The following NSMCE1 variants were observed in gnomAD, a reference collection of about 807,000 sequenced individuals.
The protein encoded by NSMCE1 is NSE1 component of SMC5/6 complex.
In NSMCE1, 18 loss-of-function variants were observed where a neutral mutation model predicts 29.6. The ratio of observed to expected loss-of-function variants is 0.61; its 90% CI spans 0.42 to 0.90. The LOEUF is 0.90. Among genes scored for constraint, NSMCE1 ranks in the 40% least tolerant of loss-of-function variants. NSMCE1 has a pLI of 0.00. For synonymous variants in NSMCE1, 124 were observed against 133.4 expected, an observed-to-expected ratio of 0.93 and a Z score of 0.49; for missense variants, 314 against 343.6, an observed-to-expected ratio of 0.91 and a Z score of 0.68.
intron 5 of NSMCE1, among the ~76,000 whole-genome samples, chr16:27,227,116 G>A (rs992120268): frequency 1.3e-5 from 2 of 152,212 alleles, no homozygotes; most frequent in African/African-American, 4.8e-5. Context: ...CTGTCTGCAC[G>A]GCAGCCTCGA....
At chr16:27,227,114 A>G (rs2083706866) in intron 5 of NSMCE1, among the ~76,000 whole-genome samples, 1 of 152,204 alleles carries the variant, frequency 6.6e-6, no homozygotes, top group Non-Finnish European at 1.5e-5. Flanking sequence ...CTCTGTCTGC[A>G]CGGCAGCCTC....
chr16:27,238,305 C>G (rs970459556), intron 2 of NSMCE1, among the ~76,000 whole-genome samples: 1 of 152,214 alleles, frequency 6.6e-6, no homozygotes, highest in Non-Finnish European at 1.5e-5. Flanking sequence ...TCCCGCTTCT[C>G]TACCACCACC....
At chr16:27,258,790 G>A (rs1262042084) in intron 1 of NSMCE1, among the ~76,000 whole-genome samples, 1 of 150,080 alleles carries the variant, frequency 6.7e-6, no homozygotes, top group African/African-American at 2.5e-5. Context: ...TCACTCTGTT[G>A]CCCAGGCTGG....
intron 2 of NSMCE1, among the ~76,000 whole-genome samples, chr16:27,241,107 A>G (rs544710235): frequency 6.6e-6 from 1 of 152,262 alleles, no homozygotes; most frequent in East Asian, 1.9e-4. Flanking sequence ...TTACATTGGA[A>G]TGTAATGTTA....
chr16:27,226,251 G>C (rs540593753), intron 6 of NSMCE1: 3 of 218,214 alleles, frequency 1.4e-5, no homozygotes, highest in Non-Finnish European at 2.8e-5. Context: ...AAGGATACAG[G>C]TGTACGAGGC....
At chr16:27,262,857 A>G (rs1051178790) in intron 1 of NSMCE1, among the ~76,000 whole-genome samples, 12 of 152,182 alleles carry the variant, frequency 7.9e-5, no homozygotes, top group African/African-American at 2.9e-4. Flanking sequence ...GAGAAAATCA[A>G]ACAACCCCAT....
In NSMCE1 at chr16:27,257,457, C is replaced by T. The variant is rs768323333; in HGVS notation, c.114G>A (p.Thr38=). 16 of 1,612,802 alleles carry T rather than the reference C, an allele frequency of 9.9e-6. No homozygotes were observed. The highest frequency in any genetic ancestry group is 5.3e-5 in the African/African-American group (4 of 74,816). ...LEEWDVKRLQ[T]HCYKVHDRNA... ...CACGGTCATGGACCTTGTAGCAGTG[C>T]GTCTGCAAGCGCTTCACGTCCCATT... Residue 38 remains threonine, a synonymous_variant, in exon 2 of 8, where the codon ACG becomes ACA. Transcript: ENST00000361439.
intron 5 of NSMCE1, among the ~76,000 whole-genome samples, chr16:27,231,838 G>A (rs1218647521): frequency 6.6e-6 from 1 of 152,088 alleles, no homozygotes; most frequent in Non-Finnish European, 1.5e-5. Context: ...GGTGTCCGAC[G>A]TCATCCAGAC....
At position 27,257,317 on chromosome 16, in the gene NSMCE1, G is replaced by A. The variant is rs995169414; in HGVS notation, c.136+118C>T. On this transcript the variant is annotated intron_variant, in intron 2 of 7. Coordinates refer to ENST00000361439, the MANE Select transcript of NSMCE1 (RefSeq NM_145080.4). The stretch of plus-strand genomic sequence containing the variant: ...ATGGGCCCGTGTAAGATTGTGAAGA[G>A]GCTTGAATGCTCAGCTCAGGAGTAC... 6.5e-6 allele frequency: 5 copies of A among 773,574 alleles called. No individual in the cohort carries two copies. The South Asian group carries it at 1.4e-4, about 21-fold the overall frequency. The allele number at this position is 773,574 out of a possible 1,614,324, so 47.9% of individuals were successfully genotyped here. A position where few individuals can be genotyped will look rare whatever the true frequency, so the allele number is the denominator to read the frequency against.
intron 2 of NSMCE1, among the ~76,000 whole-genome samples, chr16:27,236,004 G>C (rs1035463916): frequency 2.6e-5 from 4 of 152,226 alleles, no homozygotes; most frequent in African/African-American, 9.6e-5. Context: ...GACTCGCCCA[G>C]AGTTGCACCA....
intron 2 of NSMCE1, among the ~76,000 whole-genome samples, chr16:27,236,686 T>C (rs1026313422): frequency 3.3e-5 from 5 of 152,204 alleles, no homozygotes; most frequent in African/African-American, 1.2e-4. Context: ...AAAAGATTCA[T>C]GCCTTAGAAA....
rs985842331 is a variant in NSMCE1, at chr16:27,240,954, G to A, written c.137-5655C>T. Reference sequence around the variant, plus strand: ...CCAGGCATGGTGGCATGTGGCTATAGTCTCAGCTACTTGGGAGGCTGAGGC... The same window carrying A: ...CCAGGCATGGTGGCATGTGGCTATAATCTCAGCTACTTGGGAGGCTGAGGC... On this transcript the variant is annotated intron_variant, in intron 2 of 7. Coordinates refer to ENST00000361439, the MANE Select transcript of NSMCE1 (RefSeq NM_145080.4). Among the ~76,000 whole-genome samples the A allele has an allele frequency of 3.8e-4, 58 of 152,154 alleles. 1 individual carries two copies. The highest frequency in any genetic ancestry group is 1.2e-3 in the African/African-American group (51 of 41,432).
At chr16:27,241,111 A>G (rs2083888997) in intron 2 of NSMCE1, among the ~76,000 whole-genome samples, 1 of 152,176 alleles carries the variant, frequency 6.6e-6, no homozygotes. Context: ...ATTGGAATGT[A>G]ATGTTACCAA....
chr16:27,243,167 G>A (rs777599341), intron 2 of NSMCE1, among the ~76,000 whole-genome samples: 92 of 152,202 alleles, frequency 6.0e-4, no homozygotes, highest in Non-Finnish European at 4.0e-4. Flanking sequence ...GTTGTTTTCT[G>A]TTTAACCTGG....
intron 4 of NSMCE1, 22 bp from the exon 5 acceptor site, chr16:27,233,169 A>G (rs774621517): frequency 6.3e-7 from 1 of 1,599,736 alleles, no homozygotes; most frequent in South Asian, 1.1e-5. Context: ...AGCAGGTATC[A>G]TGCTCATCTA....
chr16:27,241,866 A>C (rs1430974289), intron 2 of NSMCE1: 1 of 455,212 alleles, frequency 2.2e-6, no homozygotes, highest in African/African-American at 2.0e-5. Context: ...TCTTTCTCAG[A>C]GGTCAGAGAG....
chr16:27,244,959 T>A (rs2083938720), intron 2 of NSMCE1, among the ~76,000 whole-genome samples: 1 of 152,198 alleles, frequency 6.6e-6, no homozygotes, highest in South Asian at 2.1e-4. Flanking sequence ...CCCAAGAGAA[T>A]TCAGCCCTGT....
chr16:27,251,191 A>ATATATATATAAAAATAT, intron 2 of NSMCE1, among the ~76,000 whole-genome samples: 1 of 32,334 alleles, frequency 3.1e-5, no homozygotes, highest in South Asian at 1.1e-3. Flanking sequence ...TATATATATA[A>ATATATATATAAAAATAT]ATATATATAT....
At chr16:27,262,419 G>A (rs570895903) in intron 1 of NSMCE1, among the ~76,000 whole-genome samples, 4 of 151,812 alleles carry the variant, frequency 2.6e-5, no homozygotes, top group African/African-American at 9.7e-5. Flanking sequence ...GAACAGAATA[G>A]AGAGCCCAAA....
Sources: allele counts gnomAD v4.1 joint callset (sites outside exome capture counted in the v4.1 genomes callset), GRCh38; gene constraint gnomAD v4.1.1; transcripts MANE v1.5; gene names NCBI Gene and HGNC (gene_info 2026-07-23, HGNC 2026-07-21).